The following SCAI variants were observed in gnomAD, a reference collection of about 807,000 sequenced individuals.
The protein encoded by SCAI is suppressor of cancer cell invasion, also known as protein SCAI.
Under a neutral mutation model 92.2 loss-of-function variants are expected in SCAI, and 24 were observed. The observed-to-expected ratio is 0.26, with a 90% CI of 0.19 to 0.37. The LOEUF is 0.37. Among genes scored for constraint, SCAI ranks in the 10% least tolerant of loss-of-function variants. The probability of loss-of-function intolerance (pLI) is 1.00; values close to 1 mark genes in which losing one functional copy is unlikely to be tolerated. For synonymous variants in SCAI, 261 were observed against 258.6 expected, an observed-to-expected ratio of 1.01 and a Z score of -0.09; for missense variants, 450 against 736.2, an observed-to-expected ratio of 0.61 and a Z score of 4.50.
At chr9:125,043,324 T>C (rs1049201253) in intron 3 of SCAI, among the ~76,000 whole-genome samples, 5 of 152,222 alleles carry the variant, frequency 3.3e-5, no homozygotes, top group Non-Finnish European at 7.3e-5. Context: ...TACTGGGACA[T>C]CTTTGTTCCA....
chr9:125,131,871 C>T (rs1835408321), intron 2 of SCAI, among the ~76,000 whole-genome samples: 1 of 152,162 alleles, frequency 6.6e-6, no homozygotes, highest in Non-Finnish European at 1.5e-5. Flanking sequence ...AAACTACCTT[C>T]AGAACCTGTT....
At chr9:125,014,365 C>T (rs1765465166) in intron 9 of SCAI, among the ~76,000 whole-genome samples, 1 of 152,170 alleles carries the variant, frequency 6.6e-6, no homozygotes, top group African/African-American at 2.4e-5. Flanking sequence ...ACAAAAATCA[C>T]AAGCATTCTT....
chr9:124,965,401 T>G (rs916994587), intron 17 of SCAI, among the ~76,000 whole-genome samples: 1 of 152,048 alleles, frequency 6.6e-6, no homozygotes, highest in Non-Finnish European at 1.5e-5. Context: ...GCCCAGCTAA[T>G]TTTTATATTT....
intron 2 of SCAI, among the ~76,000 whole-genome samples, chr9:125,131,787 C>G (rs1835406379): frequency 6.6e-6 from 1 of 152,176 alleles, no homozygotes; most frequent in Non-Finnish European, 1.5e-5. Flanking sequence ...TGAGGCAAAC[C>G]TACCATGAGC....
intron 2 of SCAI, among the ~76,000 whole-genome samples, chr9:125,126,458 CAG>C (rs143876924): frequency 2.1e-5 from 3 of 145,764 alleles, no homozygotes; most frequent in Non-Finnish European, 1.5e-5. Flanking sequence ...AGGCAGAAGT[CAG>C]AGAGAGAGAG....
chr9:124,985,265 C>T lies in SCAI; in HGVS notation c.1327-9079G>A, dbSNP rs575658931. On this transcript the variant is annotated intron_variant, in intron 14 of 17. Transcript: ENST00000336505. Reference sequence around the variant, plus strand: ...GACTGCAAAACATTTTTTCTTGATGCTGAGCAGAAAACAAAAGAAAACAAA... The same window carrying T: ...GACTGCAAAACATTTTTTCTTGATGTTGAGCAGAAAACAAAAGAAAACAAA... Among the ~76,000 whole-genome samples, 18 of 150,294 alleles carry T rather than the reference C, an allele frequency of 1.2e-4. No individual in the cohort carries two copies. In the South Asian group the frequency reaches 3.3e-3, roughly 28 times the overall value.
In SCAI at chr9:125,065,946, T is replaced by C. The variant is rs1194788146; in HGVS notation, c.99-9939A>G. 4 of 739,810 alleles carry C rather than the reference T, an allele frequency of 5.4e-6. No individual in the cohort carries two copies. The East Asian group carries it at 7.4e-5, about 14-fold the overall frequency. 45.8% of individuals were successfully genotyped at this position (739,810 alleles called of 1,614,324 possible). ...AGGAACAGAAAGGGAGCTTCATTAA[T>C]TTTATAAAGGATATGTATTTTAAAA... On this transcript the variant is annotated intron_variant, in intron 2 of 17. Coordinates refer to ENST00000336505, the MANE Select transcript of SCAI (RefSeq NM_001144877.3).
chr9:125,027,908 AC>A, intron 5 of SCAI, among the ~76,000 whole-genome samples: 1 of 152,264 alleles, frequency 6.6e-6, no homozygotes, highest in East Asian at 1.9e-4. Context: ...TCCTAAAAGG[AC>A]CCTTCTTGTT....
At chr9:124,987,343 T>C (rs1166591754) in intron 14 of SCAI, among the ~76,000 whole-genome samples, 2 of 152,088 alleles carry the variant, frequency 1.3e-5, no homozygotes, top group Non-Finnish European at 2.9e-5. Flanking sequence ...ATTATTATTA[T>C]TTTAAACTCC....
intron 9 of SCAI, among the ~76,000 whole-genome samples, chr9:125,009,200 ACAAAATAT>A (rs1184923939): frequency 1.3e-5 from 2 of 152,234 alleles, no homozygotes; most frequent in Non-Finnish European, 1.5e-5. Context: ...TGGAAAAAAT[ACAAAATAT>A]CAAAATATGT....
chr9:124,973,032 G>C (rs1831689746), intron 15 of SCAI, among the ~76,000 whole-genome samples: 1 of 152,076 alleles, frequency 6.6e-6, no homozygotes, highest in Non-Finnish European at 1.5e-5. Flanking sequence ...GGGTTTTTTG[G>C]GATTTGCAAT....
chr9:125,018,850 C>T lies in SCAI; in HGVS notation c.810G>A (p.Val270=). The change falls in exon 9 of 18, where the codon GTG becomes GTA. Residue 270 remains valine, a synonymous_variant. Transcript: ENST00000336505. The part of the protein sequence containing the change: ...GAPLLEQGMI[V]GQLSLADALI... ...GTGCGTCAGCCAGAGACAACTGTCC[C>T]ACAATCATGCCCTGTTCCAGCAATG... 6.2e-7 allele frequency: 1 copy of T among 1,613,904 alleles called. No individual in the cohort carries two copies. The highest frequency in any genetic ancestry group is 8.5e-7 in the Non-Finnish European group (1 of 1,179,930).
rs180733524 is a variant in SCAI at position 125,139,295 on chromosome 9, C to T, written c.98+3338G>A. Among the ~76,000 whole-genome samples, 195 of 152,260 alleles carry T rather than the reference C, an allele frequency of 1.3e-3. 2 individuals carry two copies. Among genetic ancestry groups the T allele is most frequent in the African/African-American group, 4.3e-3 (180 of 41,546 alleles). Reference sequence around the variant, plus strand: ...GGGCATAGTGATGCACATCTGTAGTCCCAGCTACTTGGGAGGCTGAGGTGG... The same window carrying T: ...GGGCATAGTGATGCACATCTGTAGTTCCAGCTACTTGGGAGGCTGAGGTGG... On this transcript the variant is annotated intron_variant, in intron 2 of 17. Coordinates refer to ENST00000336505, the MANE Select transcript of SCAI (RefSeq NM_001144877.3).
At chr9:124,990,796 T>C (rs1832103337) in intron 14 of SCAI, among the ~76,000 whole-genome samples, 1 of 150,676 alleles carries the variant, frequency 6.6e-6, no homozygotes, top group Non-Finnish European at 1.5e-5. Context: ...CAAATAGGGG[T>C]TGCAACAAAA....
At position 125,006,426 on chromosome 9, in the gene SCAI, G is replaced by A. The variant is rs537294485; in HGVS notation, c.862-2856C>T. Among the ~76,000 whole-genome samples, 11 of 152,348 alleles carry A rather than the reference G, an allele frequency of 7.2e-5. 1 individual carries two copies. The East Asian group carries it at 1.7e-3, about 24-fold the overall frequency. ...AGTTTCATATGCTTAAATAGAAGAA[G>A]TAATTAAAATCATGATTAAGCCAAT... On this transcript the variant is annotated intron_variant, in intron 9 of 17. Transcript: ENST00000336505.
intron 2 of SCAI, among the ~76,000 whole-genome samples, chr9:125,078,574 C>T (rs772282069): frequency 6.6e-6 from 1 of 152,016 alleles, no homozygotes; most frequent in Non-Finnish European, 1.5e-5. Flanking sequence ...CAGTAGTCTG[C>T]TGGTTCACCC....
intron 14 of SCAI, among the ~76,000 whole-genome samples, chr9:124,991,640 C>A (rs541044053): frequency 5.4e-4 from 82 of 152,010 alleles, no homozygotes; most frequent in African/African-American, 1.9e-3. Context: ...AGTTCAAGAC[C>A]AGCCTGACCA....
chr9:124,962,300 C>T (rs1327784516), intron 17 of SCAI, among the ~76,000 whole-genome samples: 1 of 151,844 alleles, frequency 6.6e-6, no homozygotes, highest in East Asian at 1.9e-4. Context: ...GCTGAGACTA[C>T]AGGCTCACGC....
intron 17 of SCAI, among the ~76,000 whole-genome samples, chr9:124,962,600 C>A (rs890401069): frequency 6.6e-6 from 1 of 152,046 alleles, no homozygotes; most frequent in East Asian, 1.9e-4. Flanking sequence ...ATTTTCTTTT[C>A]TTTTTTTACA....
Sources: gnomAD v4.1 joint callset for allele counts (sites outside exome capture counted in the v4.1 genomes callset) on GRCh38, gnomAD v4.1.1 for gene constraint, MANE v1.5 for transcripts, NCBI Gene and HGNC (gene_info 2026-07-23, HGNC 2026-07-21) for gene names.